Variants in MACO1 observed in about 807,000 individuals in gnomAD.
MACO1 encodes the protein macoilin 1.
A neutral mutation model predicts 78.7 loss-of-function variants in MACO1; 14 were observed. That is an observed-to-expected ratio of 0.18 (90% CI 0.12 to 0.28). The LOEUF (loss-of-function observed/expected upper bound fraction) is 0.28. Ranked by LOEUF, MACO1 falls within the 10% of genes least tolerant of loss-of-function variation. The probability of loss-of-function intolerance (pLI) is 1.00; values close to 1 mark genes in which losing one functional copy is unlikely to be tolerated. For synonymous variants in MACO1, 288 were observed against 291.6 expected, an observed-to-expected ratio of 0.99 and a Z score of 0.12; for missense variants, 501 against 799.0, an observed-to-expected ratio of 0.63 and a Z score of 4.50.
At chr1:25,479,115 A>G (rs1050365829) in intron 6 of MACO1, among the ~76,000 whole-genome samples, 1 of 152,210 alleles carries the variant, frequency 6.6e-6, no homozygotes, top group African/African-American at 2.4e-5. Context: ...TTCAAGGCTT[A>G]TAATCTATTA....
At chr1:25,497,851 A>G (rs1275891757) in intron 10 of MACO1, among the ~76,000 whole-genome samples, 2 of 152,220 alleles carry the variant, frequency 1.3e-5, no homozygotes, top group Non-Finnish European at 2.9e-5. Context: ...TTACGCTGTC[A>G]TAGCTGACTG....
intron 6 of MACO1, among the ~76,000 whole-genome samples, chr1:25,466,424 G>A (rs34054126): frequency 0.39 from 59,783 of 151,916 alleles, 13,695 homozygotes; most frequent in East Asian, 0.73. Flanking sequence ...AGTGATTCTC[G>A]TGCCTCAGCC....
intron 6 of MACO1, among the ~76,000 whole-genome samples, chr1:25,463,436 A>G (rs1329082983): frequency 6.6e-6 from 1 of 152,198 alleles, no homozygotes; most frequent in African/African-American, 2.4e-5. Context: ...TTGGTTTTAG[A>G]AACATATACC....
At chr1:25,477,140 C>A (rs2043327574) in intron 6 of MACO1, among the ~76,000 whole-genome samples, 1 of 152,118 alleles carries the variant, frequency 6.6e-6, no homozygotes, top group Non-Finnish European at 1.5e-5. Flanking sequence ...TGGTTTGATG[C>A]CAAATGTGAA....
chr1:25,458,648 G>A lies in MACO1; in HGVS notation c.910G>A (p.Gly304Arg), dbSNP rs763781722. The A allele has an allele frequency of 1.2e-6, 2 of 1,614,084 alleles. No individual in the cohort carries two copies. Among genetic ancestry groups the A allele is most frequent in the South Asian group, 2.2e-5 (2 of 91,074 alleles). Reference protein sequence around the residue: ...NSKRLNNDLVGSTENLLKEDS... With the variant: ...NSKRLNNDLVRSTENLLKEDS... ...TAAAAGATTAAATAATGATCTTGTG[G>A]GAAGTACAGAAAATCTCTTGAAAGA... Residue 304 changes from glycine to arginine, a missense_variant, in exon 6 of 11, where the codon GGA becomes AGA. Transcript: ENST00000374343.
chr1:25,492,668 A>G (rs1314457578), intron 10 of MACO1, among the ~76,000 whole-genome samples: 2 of 152,142 alleles, frequency 1.3e-5, no homozygotes, highest in Admixed American at 1.3e-4. Flanking sequence ...TGAGTGCCAT[A>G]GGGGAGCACT....
intron 9 of MACO1, 88 bp downstream of exon 9, chr1:25,489,381 C>A: frequency 7.0e-7 from 1 of 1,420,908 alleles, no homozygotes; most frequent in Non-Finnish European, 9.5e-7. Flanking sequence ...GAGATGATGC[C>A]TTTTAATATA....
intron 6 of MACO1, among the ~76,000 whole-genome samples, chr1:25,482,612 C>T (rs1408223903): frequency 2.0e-5 from 3 of 152,222 alleles, no homozygotes; most frequent in African/African-American, 4.8e-5. Flanking sequence ...TCAATCTCTA[C>T]CTGCTCTGCA....
chr1:25,460,041 C>G (rs2043157476), intron 6 of MACO1, among the ~76,000 whole-genome samples: 1 of 152,134 alleles, frequency 6.6e-6, no homozygotes, highest in African/African-American at 2.4e-5. Flanking sequence ...AGGAGGGAGG[C>G]TTTCCAGCAT....
In MACO1 at chr1:25,485,768, G is replaced by A; in HGVS notation, c.1469G>A (p.Arg490Gln). The A allele has an allele frequency of 3.1e-6, 5 of 1,613,366 alleles. No homozygotes were observed. The highest frequency in any genetic ancestry group is 1.3e-5 in the African/African-American group (1 of 74,924). Reference protein sequence around the residue: ...RKKLEEATAARAVAFAAASRG... With the variant: ...RKKLEEATAAQAVAFAAASRG... ...AAGTTAGAAGAAGCCACTGCTGCCC[G>A]GGCTGTTGCGTTTGCTGCTGCATCT... Residue 490 changes from arginine to glutamine, a missense_variant, in exon 8 of 11, where the codon CGG becomes CAG. This residue lies in a region of MACO1 where 163 missense variants were observed against 271.9 expected (regional missense o/e 0.60). Coordinates refer to ENST00000374343, the MANE Select transcript of MACO1 (RefSeq NM_018202.6). The surrounding 1 kb of genome is among the most constrained non-coding windows in gnomAD (Gnocchi z 4.3).
chr1:25,468,622 T>C (rs910945445), intron 6 of MACO1, among the ~76,000 whole-genome samples: 1 of 152,228 alleles, frequency 6.6e-6, no homozygotes, highest in African/African-American at 2.4e-5. Flanking sequence ...CATTTGGTTA[T>C]TTTAGGCACA....
chr1:25,484,390 A>T, intron 7 of MACO1, 116 bp downstream of exon 7: 1 of 1,066,278 alleles, frequency 9.4e-7, no homozygotes, highest in South Asian at 2.3e-5. Context: ...AGGTTTTTAA[A>T]TAAAATGTTT....
intron 10 of MACO1, 129 bp from the exon 11 acceptor site, chr1:25,498,135 C>T (rs2043553958): frequency 3.5e-6 from 3 of 845,882 alleles, no homozygotes; most frequent in Admixed American, 2.5e-5. Context: ...GACAAGTTTG[C>T]CTGCTCTTAT....
intron 1 of MACO1, among the ~76,000 whole-genome samples, chr1:25,442,907 T>C (rs552462458): frequency 1.3e-5 from 2 of 152,328 alleles, no homozygotes; most frequent in East Asian, 3.9e-4. Flanking sequence ...AAAATTTTGT[T>C]TAAGATACAG....
At chr1:25,439,339 T>C (rs1282660616) in intron 1 of MACO1, among the ~76,000 whole-genome samples, 1 of 151,738 alleles carries the variant, frequency 6.6e-6, no homozygotes, top group African/African-American at 2.4e-5. Flanking sequence ...GAGGTTGCAG[T>C]GAGTTATGAT....
intron 6 of MACO1, among the ~76,000 whole-genome samples, chr1:25,480,913 TAAAA>T (rs759266355): frequency 1.8e-4 from 3 of 16,224 alleles, no homozygotes; most frequent in Admixed American, 1.1e-3. Context: ...GAGACTTGGT[TAAAA>T]AAAAAAAAAA....
chr1:25,431,130 T>A lies in MACO1; in HGVS notation c.32T>A (p.Leu11His). 4 of 1,597,654 alleles carry A rather than the reference T, an allele frequency of 2.5e-6. No individual in the cohort carries two copies. Among genetic ancestry groups the A allele is most frequent in the Non-Finnish European group, 3.4e-6 (4 of 1,174,390 alleles). Residue 11 changes from leucine to histidine, a missense_variant, in exon 1 of 11, where the codon CTC (leucine) becomes CAC (histidine). Around this residue, in one of 5 missense-constraint regions of MACO1, gnomAD observed 171 missense variants for 292.1 expected, o/e 0.59. Coordinates refer to ENST00000374343, the MANE Select transcript of MACO1 (RefSeq NM_018202.6). MKRRNADCSK[L>H]RRPLKRNRIT... ...CGGCGGAACGCCGACTGCAGTAAGC[T>A]CCGCCGCCCCCTAAAGCGGAACCGG...
chr1:25,498,968 T>C lies in MACO1; in HGVS notation c.*502T>C, dbSNP rs570911606. ...GCATTAAAGAAGGTGATTGTCAATA[T>C]TACAGAAAACAAAAATGGATTGCCC... On this transcript the variant is annotated 3_prime_UTR_variant, in exon 11 of 11. Coordinates refer to ENST00000374343, the MANE Select transcript of MACO1 (RefSeq NM_018202.6). The C allele has an allele frequency of 6.5e-6, 1 of 152,712 alleles. No homozygotes were observed. The highest frequency in any genetic ancestry group is 1.5e-5 in the Non-Finnish European group (1 of 68,380). 9.5% of individuals were successfully genotyped at this position (152,712 alleles called of 1,614,324 possible). A position where few individuals can be genotyped will look rare whatever the true frequency, so the allele number is the denominator to read the frequency against.
intron 6 of MACO1, among the ~76,000 whole-genome samples, chr1:25,469,834 G>A (rs369349922): frequency 7.2e-5 from 11 of 151,924 alleles, no homozygotes; most frequent in African/African-American, 2.7e-4. Flanking sequence ...CACCGTATTG[G>A]CCAGGCTGGT....
Sources: gnomAD v4.1 joint callset for allele counts (sites outside exome capture counted in the v4.1 genomes callset) on GRCh38, gnomAD v4.1.1 for gene constraint, gnomAD v4.1.1 regional missense constraint, Gnocchi (gnomAD v3.1) non-coding constraint, MANE v1.5 for transcripts, NCBI Gene and HGNC (gene_info 2026-07-23, HGNC 2026-07-21) for gene names.